HYCC1: variants seen among roughly 807,000 people sequenced by gnomAD.
HYCC1 encodes the protein hyccin.
chr7:22,896,821 T>A, the HYCC1 span, among the ~76,000 whole-genome samples: 1 of 152,212 alleles, frequency 6.6e-6, no homozygotes, highest in African/African-American at 2.4e-5. Context: ...CAAGTCCCTT[T>A]ACTTCTGTCA....
chr7:22,903,957 A>C, the HYCC1 span, among the ~76,000 whole-genome samples: 1 of 152,210 alleles, frequency 6.6e-6, no homozygotes, highest in East Asian at 1.9e-4. Flanking sequence ...AGGGATTATA[A>C]TTTTCCTATA....
the HYCC1 span, among the ~76,000 whole-genome samples, chr7:23,001,586 A>G: frequency 1.3e-5 from 2 of 152,188 alleles, no homozygotes; most frequent in South Asian, 4.1e-4. Context: ...AGCCAGGTTG[A>G]GAACTATAGG....
chr7:22,925,863 T>A, the HYCC1 span, among the ~76,000 whole-genome samples: 1 of 151,702 alleles, frequency 6.6e-6, no homozygotes. Context: ...GAAGAACAAC[T>A]CCAAGACACA....
chr7:22,947,839 T>C, the HYCC1 span, among the ~76,000 whole-genome samples: 1 of 152,142 alleles, frequency 6.6e-6, no homozygotes, highest in Non-Finnish European at 1.5e-5. Flanking sequence ...GGCACAGGTA[T>C]AGTTTTTGTC....
chr7:22,929,419 AG>A, the HYCC1 span, among the ~76,000 whole-genome samples: 1 of 152,252 alleles, frequency 6.6e-6, no homozygotes, highest in African/African-American at 2.4e-5. Flanking sequence ...ACAAAATGGG[AG>A]AACATTTTTG....
At chr7:22,927,340 A>T in the HYCC1 span, among the ~76,000 whole-genome samples, 3 of 151,642 alleles carry the variant, frequency 2.0e-5, no homozygotes, top group Admixed American at 2.0e-4. Context: ...ATCAGAGCAG[A>T]ACTGAAGGAA....
At chr7:22,947,289 A>G in the HYCC1 span, 1 of 1,494,292 alleles carries the variant, frequency 6.7e-7, no homozygotes, top group Non-Finnish European at 9.1e-7. Flanking sequence ...GATGAAAACA[A>G]AACAAAAACG....
the HYCC1 span, among the ~76,000 whole-genome samples, chr7:22,986,860 C>T: frequency 2.6e-5 from 4 of 152,042 alleles, no homozygotes; most frequent in Admixed American, 1.3e-4. Flanking sequence ...AAAACAACAA[C>T]AACAACAACA....
the HYCC1 span, among the ~76,000 whole-genome samples, chr7:23,010,759 C>A: frequency 2.0e-5 from 3 of 152,168 alleles, no homozygotes; most frequent in Non-Finnish European, 2.9e-5. Flanking sequence ...AAACAAAATT[C>A]TTTAAAGTTC....
the HYCC1 span, among the ~76,000 whole-genome samples, chr7:22,903,041 T>G: frequency 1.3e-5 from 2 of 152,062 alleles, no homozygotes; most frequent in Non-Finnish European, 2.9e-5. Flanking sequence ...CATACTAGAA[T>G]AGCTAGAATA....
At chr7:22,937,066 G>A in the HYCC1 span, 1 of 152,148 alleles carries the variant, frequency 6.6e-6, no homozygotes, top group African/African-American at 2.4e-5. Flanking sequence ...AACTAGAGGG[G>A]AATTAGAATA....
the HYCC1 span, among the ~76,000 whole-genome samples, chr7:23,011,522 C>G: frequency 6.6e-6 from 1 of 152,166 alleles, no homozygotes; most frequent in African/African-American, 2.4e-5. Context: ...TTTTCCCTCA[C>G]TCTGCCACAG....
At chr7:22,973,131 C>G in the HYCC1 span, among the ~76,000 whole-genome samples, 2 of 152,194 alleles carry the variant, frequency 1.3e-5, no homozygotes. Context: ...GCCCATGTAA[C>G]AGCAGGATCA....
chr7:23,002,893 G>A, the HYCC1 span, among the ~76,000 whole-genome samples: 1 of 152,104 alleles, frequency 6.6e-6, no homozygotes, highest in African/African-American at 2.4e-5. Context: ...AGAGCTCTGA[G>A]AGAATAGTTT....
At chr7:22,900,216 A>C in the HYCC1 span, among the ~76,000 whole-genome samples, 12 of 152,364 alleles carry the variant, frequency 7.9e-5, no homozygotes, top group East Asian at 1.9e-4. Context: ...ACAACAACAA[A>C]AAAAAGAACT....
At chr7:22,907,772 C>T in the HYCC1 span, among the ~76,000 whole-genome samples, 6 of 152,048 alleles carry the variant, frequency 3.9e-5, no homozygotes, top group African/African-American at 9.7e-5. Flanking sequence ...GTTAGCTGGG[C>T]GTGGTGGCGC....
chr7:22,895,963 A>G, the HYCC1 span, among the ~76,000 whole-genome samples: 1 of 152,204 alleles, frequency 6.6e-6, no homozygotes, highest in Non-Finnish European at 1.5e-5. Flanking sequence ...AAGTTCTTCA[A>G]ATTTGCATTC....
chr7:22,912,996 C>T, the HYCC1 span, among the ~76,000 whole-genome samples: 336 of 151,948 alleles, frequency 2.2e-3, 2 homozygotes, highest in African/African-American at 7.3e-3. Flanking sequence ...TGGTGGTGGG[C>T]GCTTGTAATC....
chr7:22,998,580 G>A, the HYCC1 span, among the ~76,000 whole-genome samples: 18 of 152,204 alleles, frequency 1.2e-4, no homozygotes, highest in African/African-American at 4.3e-4. Context: ...GTAACATACA[G>A]CAAGTATCTA....
Sources: gnomAD v4.1 joint callset for allele counts (sites outside exome capture counted in the v4.1 genomes callset) on GRCh38, gnomAD v4.1.1 for gene constraint, MANE v1.5 for transcripts, NCBI Gene and HGNC (gene_info 2026-07-23, HGNC 2026-07-21) for gene names.